The following LIPI variants were observed in gnomAD, a reference collection of about 807,000 sequenced individuals.
The protein encoded by LIPI is lipase I.
LIPI carries 59 observed loss-of-function variants against 50.6 expected under a neutral mutation model. The ratio of observed to expected loss-of-function variants is 1.16; its 90% CI spans 0.94 to 1.45. The LOEUF is 1.45. Ranked by LOEUF, LIPI falls within the 40% of genes most tolerant of loss-of-function variation. LIPI has a pLI of 0.00. For missense variants in LIPI, 586 were observed against 536.3 expected, an observed-to-expected ratio of 1.09 and a Z score of -0.92; for synonymous variants, 203 against 178.2, an observed-to-expected ratio of 1.14 and a Z score of -1.11.
chr21:14,166,970 G>T (rs1212406104), intron 4 of LIPI, among the ~76,000 whole-genome samples: 2 of 152,258 alleles, frequency 1.3e-5, no homozygotes, highest in Non-Finnish European at 2.9e-5. Context: ...CAAAGAAAGG[G>T]TGACAGATGG....
rs1277171435 is a variant in LIPI, at chr21:14,163,379, C to A, written c.1006+40G>T. The A allele has an allele frequency of 3.0e-6, 3 of 997,692 alleles. No individual in the cohort carries two copies. In the African/African-American group the frequency reaches 4.8e-5, roughly 16 times the overall value. 61.8% of individuals were successfully genotyped at this position (997,692 alleles called of 1,614,324 possible). Reference sequence around the variant, plus strand: ...CAAATGTAGATTAGTGCAAAAAAAACTAAAAATTTGTTTATTTGTTAAAAT... The same window carrying A: ...CAAATGTAGATTAGTGCAAAAAAAAATAAAAATTTGTTTATTTGTTAAAAT... On this transcript the variant is annotated intron_variant, in intron 7 of 9. Coordinates refer to ENST00000681601, the MANE Select transcript of LIPI (RefSeq NM_001302998.2).
intron 1 of LIPI, among the ~76,000 whole-genome samples, chr21:14,200,637 C>G (rs1009015263): frequency 4.6e-5 from 7 of 151,950 alleles, no homozygotes; most frequent in African/African-American, 1.7e-4. Context: ...GAAAAACATA[C>G]CATGCTCATG....
chr21:14,168,348 C>A (rs1043280076), intron 4 of LIPI, among the ~76,000 whole-genome samples: 1 of 152,154 alleles, frequency 6.6e-6, no homozygotes, highest in Non-Finnish European at 1.5e-5. Flanking sequence ...CATTCAGATT[C>A]AGGAAATACA....
At chr21:14,193,264 G>T (rs2123299046) in intron 1 of LIPI, among the ~76,000 whole-genome samples, 1 of 151,750 alleles carries the variant, frequency 6.6e-6, no homozygotes, top group South Asian at 2.1e-4. Flanking sequence ...AATGAGAAGA[G>T]AATCAAAACA....
chr21:14,113,638 AAATCTC>A (rs976553712), intron 9 of LIPI, among the ~76,000 whole-genome samples: 5 of 133,900 alleles, frequency 3.7e-5, no homozygotes, highest in African/African-American at 1.5e-4. Context: ...CACAGAAAAA[AAATCTC>A]AAAAAAATAG....
chr21:14,175,890 A>G (rs1003257603), intron 4 of LIPI, among the ~76,000 whole-genome samples: 1 of 152,124 alleles, frequency 6.6e-6, no homozygotes, highest in Non-Finnish European at 1.5e-5. Context: ...GAAAGAAGGC[A>G]CAAGTGGGCC....
At chr21:14,171,319 C>T (rs907662712) in intron 4 of LIPI, among the ~76,000 whole-genome samples, 3 of 144,164 alleles carry the variant, frequency 2.1e-5, no homozygotes, top group Admixed American at 6.9e-5. Flanking sequence ...CAATGCCATC[C>T]CCATCAAGCT....
At chr21:14,190,456 T>C (rs1385162534) in intron 1 of LIPI, among the ~76,000 whole-genome samples, 1 of 152,196 alleles carries the variant, frequency 6.6e-6, no homozygotes, top group African/African-American at 2.4e-5. Flanking sequence ...AAAGTATTAA[T>C]GCACTTTATG....
At chr21:14,208,645 C>T (rs1039534550) in intron 1 of LIPI, among the ~76,000 whole-genome samples, 1 of 152,224 alleles carries the variant, frequency 6.6e-6, no homozygotes, top group African/African-American at 2.4e-5. Context: ...TGCACATTTA[C>T]TTGTTTATGC....
intron 9 of LIPI, among the ~76,000 whole-genome samples, chr21:14,123,456 G>A (rs1024406171): frequency 7.9e-5 from 12 of 152,164 alleles, no homozygotes; most frequent in African/African-American, 2.7e-4. Context: ...ACTGGAGCCT[G>A]TGTGTTAGGG....
At chr21:14,201,741 C>T (rs1019755857) in intron 1 of LIPI, among the ~76,000 whole-genome samples, 4 of 152,094 alleles carry the variant, frequency 2.6e-5, no homozygotes, top group African/African-American at 9.7e-5. Context: ...AGTGAGTGGG[C>T]AAAAACTGGA....
chr21:14,158,496 C>T, intron 7 of LIPI, among the ~76,000 whole-genome samples: 1 of 150,276 alleles, frequency 6.7e-6, no homozygotes, highest in East Asian at 1.9e-4. Flanking sequence ...ATATCTGAGG[C>T]CAATAATTTA....
intron 9 of LIPI, among the ~76,000 whole-genome samples, chr21:14,121,332 C>G (rs943083062): frequency 6.6e-6 from 1 of 152,110 alleles, no homozygotes; most frequent in African/African-American, 2.4e-5. Context: ...GAAGTTTTGC[C>G]AAGAGACTCA....
At position 14,203,277 on chromosome 21, in the gene LIPI, G is replaced by A. The variant is rs549726689; in HGVS notation, c.46+7523C>T. On this transcript the variant is annotated intron_variant, in intron 1 of 9. Coordinates refer to ENST00000681601, the MANE Select transcript of LIPI (RefSeq NM_001302998.2). The stretch of plus-strand genomic sequence containing the variant: ...CAACCATTGTGGAAGTCAGTGTGGC[G>A]ATTCCTCAGGGATCTAGAACTAGAA... 3.7e-3 allele frequency among the ~76,000 whole-genome samples: 558 copies of A among 152,152 alleles called. 3 individuals are homozygous for A. The highest frequency in any genetic ancestry group is 0.013 in the African/African-American group (530 of 41,514).
intron 9 of LIPI, among the ~76,000 whole-genome samples, chr21:14,125,722 T>A (rs947928025): frequency 4.5e-5 from 5 of 111,946 alleles, no homozygotes; most frequent in Admixed American, 3.5e-4. Flanking sequence ...AATGCCTACG[T>A]AATTTTTTTG....
intron 7 of LIPI, among the ~76,000 whole-genome samples, chr21:14,153,341 C>A (rs1463665685): frequency 6.6e-6 from 1 of 152,128 alleles, no homozygotes; most frequent in Admixed American, 6.6e-5. Context: ...ATTGGATTTT[C>A]CCCATTTCTG....
At chr21:14,175,491 T>TA (rs1450843359) in intron 4 of LIPI, among the ~76,000 whole-genome samples, 1 of 152,192 alleles carries the variant, frequency 6.6e-6, no homozygotes, top group Non-Finnish European at 1.5e-5. Flanking sequence ...TGCTTTTTTT[T>TA]ATGGCTTGCT....
At chr21:14,144,822 G>A (rs777563917) in intron 8 of LIPI, 23 bp from the exon 9 acceptor site, 17 of 1,466,428 alleles carry the variant, frequency 1.2e-5, no homozygotes, top group South Asian at 4.6e-5. Context: ...TTTGATACAC[G>A]CAGCATATTA....
At chr21:14,134,333 T>C (rs2017411931) in intron 9 of LIPI, among the ~76,000 whole-genome samples, 1 of 152,040 alleles carries the variant, frequency 6.6e-6, no homozygotes, top group Admixed American at 6.5e-5. Context: ...TGCTCGTGGA[T>C]TGGAAAAATC....
Sources: gnomAD v4.1 joint callset for allele counts (sites outside exome capture counted in the v4.1 genomes callset) on GRCh38, gnomAD v4.1.1 for gene constraint, MANE v1.5 for transcripts, NCBI Gene and HGNC (gene_info 2026-07-23, HGNC 2026-07-21) for gene names.